GSTA1: variants seen among roughly 807,000 people sequenced by gnomAD.
The protein encoded by GSTA1 is glutathione S-transferase A1.
Under a neutral mutation model 21.5 loss-of-function variants are expected in GSTA1, and 23 were observed. That is an observed-to-expected ratio of 1.07 (90% CI 0.77 to 1.52). GSTA1 has a LOEUF of 1.52. Among genes scored for constraint, GSTA1 ranks in the 40% most tolerant of loss-of-function variants. The pLI, the probability that GSTA1 is intolerant of heterozygous loss-of-function variation, is 0.00. For missense variants in GSTA1, 301 were observed against 264.2 expected, an observed-to-expected ratio of 1.14 and a Z score of -0.96; for synonymous variants, 125 against 90.0, an observed-to-expected ratio of 1.39 and a Z score of -2.20.
At chr6:52,794,897 C>G (rs1483388556) in intron 4 of GSTA1, among the ~76,000 whole-genome samples, 1 of 152,214 alleles carries the variant, frequency 6.6e-6, no homozygotes, top group Admixed American at 6.5e-5. Context: ...ACAACCAGTG[C>G]AAACTTTTCT....
chr6:52,802,756 C>T (rs1763746989), intron 1 of GSTA1, among the ~76,000 whole-genome samples: 1 of 152,104 alleles, frequency 6.6e-6, no homozygotes, highest in Non-Finnish European at 1.5e-5. Flanking sequence ...ATCCATTTCT[C>T]TGGTTCTCTA....
intron 1 of GSTA1, among the ~76,000 whole-genome samples, chr6:52,803,566 T>A (rs1376922659): frequency 2.0e-5 from 3 of 152,180 alleles, no homozygotes; most frequent in Non-Finnish European, 4.4e-5. Context: ...GCTGAAGCCC[T>A]GGTTTTCTAA....
chr6:52,792,036 A>G, intron 6 of GSTA1, 56 bp from the exon 7 acceptor site: 1 of 1,606,438 alleles, frequency 6.2e-7, no homozygotes, highest in Non-Finnish European at 8.5e-7. Context: ...ACCACCATTA[A>G]CATGACCCAG....
chr6:52,800,163 G>A (rs1316862463), intron 1 of GSTA1, among the ~76,000 whole-genome samples: 2 of 152,180 alleles, frequency 1.3e-5, no homozygotes, highest in Non-Finnish European at 2.9e-5. Flanking sequence ...TTACACACTG[G>A]TCATTCTTCT....
chr6:52,792,121 C>A, intron 6 of GSTA1, 141 bp from the exon 7 acceptor site: 4 of 1,218,178 alleles, frequency 3.3e-6, no homozygotes, highest in South Asian at 1.5e-5. Flanking sequence ...AAACAGACAC[C>A]CAGTGAGAAA....
At chr6:52,797,182 C>A (rs567673016) in intron 3 of GSTA1, among the ~76,000 whole-genome samples, 1 of 152,220 alleles carries the variant, frequency 6.6e-6, no homozygotes, top group Admixed American at 6.5e-5. Flanking sequence ...CAGTCCCACT[C>A]CCCCCATGAA....
At chr6:52,798,422 G>A (rs1468134182) in intron 2 of GSTA1, among the ~76,000 whole-genome samples, 1 of 120,476 alleles carries the variant, frequency 8.3e-6, no homozygotes, top group East Asian at 2.2e-4. Context: ...CCATGACCGA[G>A]TACAGAACCT....
chr6:52,792,803 G>C, intron 6 of GSTA1, 53 bp downstream of exon 6: 1 of 1,612,758 alleles, frequency 6.2e-7, no homozygotes, highest in South Asian at 1.1e-5. Context: ...CCAGATACAA[G>C]ATCCCAAGAT....
In GSTA1 at chr6:52,797,644, GC is replaced by G. The variant is rs1561913692; in HGVS notation, c.88-8del. 1 of 1,602,560 alleles carries G rather than the reference GC, an allele frequency of 6.2e-7. No individual in the cohort carries two copies. The highest frequency in any genetic ancestry group is 2.2e-5 in the East Asian group (1 of 44,750). On this transcript the variant is annotated splice_region_variant and splice_polypyrimidine_tract_variant and intron_variant, in intron 2 of 6. Coordinates refer to ENST00000334575, the MANE Select transcript of GSTA1 (RefSeq NM_145740.5). ...TTATAAATTTCTCTTCAAACTGGAA[GC>G]AGAAACAGTAAATACGTTCTTGTTA...
intron 5 of GSTA1, among the ~76,000 whole-genome samples, chr6:52,793,236 A>G (rs981076567): frequency 2.0e-5 from 3 of 151,928 alleles, no homozygotes; most frequent in African/African-American, 7.3e-5. Context: ...CATCTACACC[A>G]CCCACGCAGC....
In GSTA1 at chr6:52,794,222, A is replaced by C. The variant is rs1016917629; in HGVS notation, c.317T>G (p.Ile106Ser). 6 of 1,613,890 alleles carry C rather than the reference A, an allele frequency of 3.7e-6. No individual in the cohort carries two copies. The highest frequency in any genetic ancestry group is 5.1e-6 in the Non-Finnish European group (6 of 1,179,764). The change falls in exon 5 of 7, where the codon ATC becomes AGC. Residue 106 changes from isoleucine to serine, a missense_variant. Physicochemically the swap from Ile to Ser is moderately radical, Grantham distance 142. Coordinates refer to ENST00000334575, the MANE Select transcript of GSTA1 (RefSeq NM_145740.5). Reference protein sequence around the residue: ...IEGIADLGEMILLLPVCPPEE... With the variant: ...IEGIADLGEMSLLLPVCPPEE... Reference sequence around the variant, plus strand: ...AGGTGGACATACGGGCAGAAGGAGGATCATTTCACCCAAATCTGCTATACC... The same window carrying C: ...AGGTGGACATACGGGCAGAAGGAGGCTCATTTCACCCAAATCTGCTATACC...
chr6:52,801,321 A>C (rs1763711242), intron 1 of GSTA1, among the ~76,000 whole-genome samples: 1 of 152,162 alleles, frequency 6.6e-6, no homozygotes. Context: ...GAATCAACTC[A>C]CCTGTTTTGT....
chr6:52,792,629 T>G, intron 6 of GSTA1: 1 of 1,141,228 alleles, frequency 8.8e-7, no homozygotes, highest in Non-Finnish European at 1.2e-6. Flanking sequence ...CTTTCCATAA[T>G]AAAGGGCAAA....
At chr6:52,795,523 GT>G (rs1490870864) in intron 4 of GSTA1, among the ~76,000 whole-genome samples, 1 of 152,150 alleles carries the variant, frequency 6.6e-6, no homozygotes, top group Non-Finnish European at 1.5e-5. Context: ...CTATATTAAA[GT>G]TTTTGAGGAG....
chr6:52,800,688 G>A (rs1763695209), intron 1 of GSTA1, among the ~76,000 whole-genome samples: 1 of 152,106 alleles, frequency 6.6e-6, no homozygotes, highest in Admixed American at 6.6e-5. Context: ...GCAACTAATT[G>A]TATCATGAAT....
At chr6:52,800,518 T>G (rs1763690523) in intron 1 of GSTA1, among the ~76,000 whole-genome samples, 1 of 152,224 alleles carries the variant, frequency 6.6e-6, no homozygotes, top group Non-Finnish European at 1.5e-5. Context: ...GTACGGATGT[T>G]TGCACGTGTG....
intron 4 of GSTA1, among the ~76,000 whole-genome samples, chr6:52,795,928 TC>T (rs1363704591): frequency 1.3e-5 from 2 of 152,190 alleles, no homozygotes; most frequent in Non-Finnish European, 2.9e-5. Flanking sequence ...TCATGGTTCA[TC>T]CGTGTTTGGA....
Position 52,792,957 on chromosome 6 carries a change from C to A in GSTA1, c.445G>T (p.Val149Phe). The A allele has an allele frequency of 6.2e-7, 1 of 1,614,072 alleles. No homozygotes were observed. The change falls in exon 6 of 7, where the codon GTT becomes TTT. Residue 149 changes from valine to phenylalanine, a missense_variant. Transcript: ENST00000334575. ...VLKSHGQDYLVGNKLSRADIH... is the reference protein window; with the variant it reads ...VLKSHGQDYLFGNKLSRADIH... ...TCAGCCCGGCTCAGCTTGTTGCCAA[C>A]AAGGTAGTCTTGTCCATGGCTCTTT...
At chr6:52,796,489 A>ATATGTG (rs1763589125) in intron 3 of GSTA1, among the ~76,000 whole-genome samples, 175 bp from the exon 4 acceptor site, 3 of 13,072 alleles carry the variant, frequency 2.3e-4, no homozygotes, top group African/African-American at 1.3e-3. Context: ...ATATATATAT[A>ATATGTG]TGTGTGTGTG....
Sources: allele counts gnomAD v4.1 joint callset (sites outside exome capture counted in the v4.1 genomes callset), GRCh38; gene constraint gnomAD v4.1.1; transcripts MANE v1.5; gene names NCBI Gene and HGNC (gene_info 2026-07-23, HGNC 2026-07-21).